The following ERI3 variants were observed in gnomAD, a reference collection of about 807,000 sequenced individuals.
The protein encoded by ERI3 is ERI1 exoribonuclease family member 3, also known as ERI1 exoribonuclease 3.
Under a neutral mutation model 44.4 loss-of-function variants are expected in ERI3, and 18 were observed. That is an observed-to-expected ratio of 0.41 (90% CI 0.28 to 0.60). The LOEUF (loss-of-function observed/expected upper bound fraction) is 0.60. Among genes scored for constraint, ERI3 ranks in the 20% least tolerant of loss-of-function variants. The pLI is 0.36. For missense variants in ERI3, 294 were observed against 435.5 expected, an observed-to-expected ratio of 0.68 and a Z score of 2.89; for synonymous variants, 183 against 164.8, an observed-to-expected ratio of 1.11 and a Z score of -0.84.
intron 6 of ERI3, among the ~76,000 whole-genome samples, chr1:44,297,872 A>G (rs1462924110): frequency 6.6e-6 from 1 of 152,234 alleles, no homozygotes; most frequent in Non-Finnish European, 1.5e-5. Context: ...GAAGGGAAGC[A>G]CCAATATTGA....
At chr1:44,242,418 C>A (rs1644459296) in intron 8 of ERI3, among the ~76,000 whole-genome samples, 1 of 152,252 alleles carries the variant, frequency 6.6e-6, no homozygotes, top group Non-Finnish European at 1.5e-5. Flanking sequence ...GAAAGTCCCA[C>A]ATCCTATCAG....
intron 6 of ERI3, among the ~76,000 whole-genome samples, chr1:44,301,599 T>C (rs749541268): frequency 6.6e-6 from 1 of 152,170 alleles, no homozygotes; most frequent in Non-Finnish European, 1.5e-5. Flanking sequence ...GCTCCAGGCA[T>C]CCGTCTGACA....
chr1:44,304,515 A>G (rs566232298), intron 6 of ERI3, among the ~76,000 whole-genome samples: 1 of 152,340 alleles, frequency 6.6e-6, no homozygotes, highest in African/African-American at 2.4e-5. Flanking sequence ...GAGCAATGCC[A>G]AGAGGACTCA....
intron 7 of ERI3, chr1:44,283,955 T>A: frequency 2.1e-6 from 1 of 468,582 alleles, no homozygotes; most frequent in South Asian, 1.6e-5. Flanking sequence ...CCTTGACCTC[T>A]CTCTTCTCTA....
At chr1:44,341,930 C>T (rs1353916563) in intron 2 of ERI3, among the ~76,000 whole-genome samples, 2 of 151,962 alleles carry the variant, frequency 1.3e-5, no homozygotes, top group Admixed American at 1.3e-4. Context: ...AAACTTCTCT[C>T]GTAGGAAGTC....
At chr1:44,328,138 G>A (rs1188613657) in intron 3 of ERI3, among the ~76,000 whole-genome samples, 1 of 152,174 alleles carries the variant, frequency 6.6e-6, no homozygotes, top group Non-Finnish European at 1.5e-5. Context: ...CCAGCAGCCA[G>A]GAAGGTAAAC....
chr1:44,339,368 GA>G (rs374764715), intron 2 of ERI3, 46 bp from the exon 3 acceptor site: 77,868 of 778,892 alleles, frequency 0.1, 28 homozygotes, highest in Middle Eastern at 0.12. Flanking sequence ...AGAAAAGAAA[GA>G]AAAAAAAAAA....
At chr1:44,311,367 A>G (rs1645969333) in intron 5 of ERI3, among the ~76,000 whole-genome samples, 1 of 152,184 alleles carries the variant, frequency 6.6e-6, no homozygotes, top group South Asian at 2.1e-4. Flanking sequence ...GCTGCCTGCT[A>G]AGGGCCTTGG....
At position 44,241,509 on chromosome 1, in the gene ERI3, C is replaced by A. The variant is rs1163139593; in HGVS notation, c.931+6430G>T. Among the ~76,000 whole-genome samples the A allele has an allele frequency of 6.7e-6, 1 of 148,738 alleles. No individual in the cohort carries two copies. Among genetic ancestry groups the A allele is most frequent in the Non-Finnish European group, 1.5e-5 (1 of 67,022 alleles). On this transcript the variant is annotated intron_variant, in intron 8 of 8. Coordinates refer to ENST00000372257, the MANE Select transcript of ERI3 (RefSeq NM_024066.3). The surrounding 1 kb of genome is among the most constrained non-coding windows in gnomAD (Gnocchi z 5.6). ...ACTCCCACCCACCCCCAGCCCATTA[C>A]TCCTCTGAGTAGGAGCAGCCAGCAC...
chr1:44,238,273 T>C (rs1168951508), intron 8 of ERI3, among the ~76,000 whole-genome samples: 3 of 151,694 alleles, frequency 2.0e-5, no homozygotes, highest in Non-Finnish European at 4.4e-5. Flanking sequence ...ATGAGGATGT[T>C]GTGGGGGAGA....
At chr1:44,267,373 C>T (rs1645009418) in intron 7 of ERI3, among the ~76,000 whole-genome samples, 1 of 152,186 alleles carries the variant, frequency 6.6e-6, no homozygotes, top group Non-Finnish European at 1.5e-5. Flanking sequence ...TCTCCCAACC[C>T]CCAATTCCTA....
intron 8 of ERI3, among the ~76,000 whole-genome samples, chr1:44,227,801 T>C (rs1339650273): frequency 6.6e-6 from 1 of 152,132 alleles, no homozygotes; most frequent in East Asian, 1.9e-4. Flanking sequence ...CACCACTTAA[T>C]AACCATGTGA....
At chr1:44,222,008 G>A (rs989491606) in intron 8 of ERI3, among the ~76,000 whole-genome samples, 6 of 152,246 alleles carry the variant, frequency 3.9e-5, no homozygotes, top group Admixed American at 1.3e-4. Flanking sequence ...TTGCTGCCGC[G>A]TGGGGACGGC....
rs1210750067 is a variant in ERI3 at position 44,342,834 on chromosome 1, T to TATAA, written c.212-3513_212-3512insTTAT. 2.0e-3 allele frequency among the ~76,000 whole-genome samples: 45 copies of TATAA among 22,222 alleles called. 2 individuals carry two copies. The highest frequency in any genetic ancestry group is 7.5e-3 in the African/African-American group (37 of 4,966). 14.6% of individuals were successfully genotyped at this position (22,222 alleles called of 152,430 possible). The stretch of plus-strand genomic sequence containing the variant: ...GCTAATATATATATATATATATATA[T>TATAA]ATATATATATATATATATATATATT... On this transcript the variant is annotated intron_variant, in intron 2 of 8. Coordinates refer to ENST00000372257, the MANE Select transcript of ERI3 (RefSeq NM_024066.3).
intron 8 of ERI3, among the ~76,000 whole-genome samples, chr1:44,245,937 G>T (rs1433268010): frequency 6.6e-6 from 1 of 152,016 alleles, no homozygotes; most frequent in African/African-American, 2.4e-5. Context: ...CTCTTTCATT[G>T]ATTCATTTAC....
At chr1:44,290,880 G>C (rs1308467761) in intron 6 of ERI3, among the ~76,000 whole-genome samples, 1 of 152,122 alleles carries the variant, frequency 6.6e-6, no homozygotes, top group Non-Finnish European at 1.5e-5. Context: ...CTGTGGCATC[G>C]AGGTAAAATA....
In ERI3 at chr1:44,245,401, C is replaced by T. The variant is rs371818661; in HGVS notation, c.931+2538G>A. 7.9e-5 allele frequency among the ~76,000 whole-genome samples: 12 copies of T among 152,258 alleles called. No individual in the cohort carries two copies. The East Asian group carries it at 1.5e-3, about 20-fold the overall frequency. On this transcript the variant is annotated intron_variant, in intron 8 of 8. Transcript: ENST00000372257. Reference sequence around the variant, plus strand: ...CAAGAAGCCCAGTGTCCTGGGGAGCCGCTGGTGCTGGCAACAGAGTAGGGA... The same window carrying T: ...CAAGAAGCCCAGTGTCCTGGGGAGCTGCTGGTGCTGGCAACAGAGTAGGGA...
At chr1:44,327,331 A>C (rs1269007666) in intron 3 of ERI3, among the ~76,000 whole-genome samples, 1 of 152,224 alleles carries the variant, frequency 6.6e-6, no homozygotes. Context: ...TTCCCAGAGA[A>C]GCAGGGCCTG....
At chr1:44,328,411 C>G (rs987594502) in intron 3 of ERI3, among the ~76,000 whole-genome samples, 5 of 152,016 alleles carry the variant, frequency 3.3e-5, no homozygotes, top group African/African-American at 1.2e-4. Flanking sequence ...TCCACCCTTG[C>G]CTTTCAGAAT....
Sources: allele counts gnomAD v4.1 joint callset (sites outside exome capture counted in the v4.1 genomes callset), GRCh38; gene constraint gnomAD v4.1.1; non-coding constraint Gnocchi (gnomAD v3.1); transcripts MANE v1.5; gene names NCBI Gene and HGNC (gene_info 2026-07-23, HGNC 2026-07-21).